Variants in ZMAT1 observed in about 807,000 individuals in gnomAD.
ZMAT1 encodes the protein zinc finger matrin-type 1, also known as zinc finger matrin-type protein 1.
Under a neutral mutation model 18.5 loss-of-function variants are expected in ZMAT1, and 11 were observed. That is an observed-to-expected ratio of 0.59 (90% CI 0.37 to 0.98). ZMAT1 has a LOEUF of 0.98. Ranked by LOEUF, ZMAT1 falls within the 50% of genes least tolerant of loss-of-function variation. The pLI is 0.01. For missense variants in ZMAT1, 525 were observed against 496.2 expected, an observed-to-expected ratio of 1.06 and a Z score of -0.55; for synonymous variants, 211 against 176.4, an observed-to-expected ratio of 1.20 and a Z score of -1.55.
At chrX:101,917,714 T>C (rs1382057301) in intron 1 of ZMAT1, among the ~76,000 whole-genome samples, 1 of 112,701 alleles carries the variant, frequency 8.9e-6, no homozygotes, top group Non-Finnish European at 1.9e-5. Context: ...GAAATCAGTA[T>C]ATCAAAGAGA....
chrX:101,931,691 C>T lies in ZMAT1; in HGVS notation c.292+26G>A, dbSNP rs1478293155. The T allele has an allele frequency of 9.3e-6, 7 of 756,166 alleles. No individual in the cohort carries two copies. The East Asian group carries it at 4.6e-4, about 49-fold the overall frequency. The allele number at this position is 756,166 out of a possible 1,213,427, so 62.3% of individuals were successfully genotyped here. The stretch of plus-strand genomic sequence containing the variant: ...GAGGCAGCGAAGGAGATGGGGCCGC[C>T]CCCGCACCCCGGGACGGGAACTCAC... On this transcript the variant is annotated intron_variant, in intron 1 of 5. Coordinates refer to ENST00000651725, the MANE Select transcript of ZMAT1 (RefSeq NM_001394560.1).
chrX:101,884,151 T>C lies in ZMAT1; in HGVS notation c.1447A>G (p.Arg483Gly). ...KIGDSSVETH[R>G]NREMVDVRPR... ...CTGACATCAACCATTTCTCTGTTCC[T>C]GTGTGTTTCTACAGAGCTATCTCCT... The change falls in exon 6 of 6, where the codon AGG becomes GGG. Residue 483 changes from arginine to glycine, a missense_variant. Arg to Gly is a moderately radical substitution (Grantham distance 125). Transcript: ENST00000651725. 6.6e-6 allele frequency: 8 copies of C among 1,210,709 alleles called. No individual in the cohort carries two copies. Among genetic ancestry groups the C allele is most frequent in the Non-Finnish European group, 7.8e-6 (7 of 895,282 alleles).
intron 1 of ZMAT1, among the ~76,000 whole-genome samples, chrX:101,923,546 T>TA (rs1929862614): frequency 9.0e-6 from 1 of 111,684 alleles, no homozygotes; most frequent in Non-Finnish European, 1.9e-5. Context: ...TTTAAGGGCC[T>TA]AAAAAATCAA....
chrX:101,914,173 C>T (rs1206681888), intron 1 of ZMAT1, among the ~76,000 whole-genome samples: 2 of 110,324 alleles, frequency 1.8e-5, no homozygotes, highest in Non-Finnish European at 3.8e-5. Flanking sequence ...ATGCCAAAAC[C>T]TATGGAATAC....
chrX:101,920,027 C>T (rs1220171339), intron 1 of ZMAT1, among the ~76,000 whole-genome samples: 1 of 86,767 alleles, frequency 1.2e-5, no homozygotes, highest in East Asian at 3.6e-4. Flanking sequence ...TACAACAATC[C>T]TTTAGATTTA....
At chrX:101,927,346 A>C (rs1198342416) in intron 1 of ZMAT1, among the ~76,000 whole-genome samples, 3 of 111,894 alleles carry the variant, frequency 2.7e-5, no homozygotes, top group Non-Finnish European at 1.9e-5. Flanking sequence ...GTAGAAATGC[A>C]GATCTGTACC....
At chrX:101,931,400 T>C (rs1474806845) in intron 1 of ZMAT1, 9 of 730,265 alleles carry the variant, frequency 1.2e-5, no homozygotes, top group Non-Finnish European at 1.5e-5. Flanking sequence ...CACACTAAGG[T>C]GTCCTGGCTG....
chrX:101,893,792 T>C (rs1289963240), intron 4 of ZMAT1, among the ~76,000 whole-genome samples: 1 of 110,530 alleles, frequency 9.0e-6, no homozygotes, highest in African/African-American at 3.3e-5. Context: ...CCAGGGGAAG[T>C]GTTATAGGGA....
chrX:101,896,892 G>A (rs978540969), intron 4 of ZMAT1, among the ~76,000 whole-genome samples: 1 of 106,146 alleles, frequency 9.4e-6, no homozygotes, highest in Non-Finnish European at 1.9e-5. Flanking sequence ...AATTCCCCCT[G>A]TATTTTCAGG....
chrX:101,916,259 G>A (rs891965869), intron 1 of ZMAT1, among the ~76,000 whole-genome samples: 2 of 110,790 alleles, frequency 1.8e-5, no homozygotes, highest in Non-Finnish European at 3.8e-5. Context: ...GGCGAAAGGA[G>A]GGAGAGCATT....
rs755259738 is a variant in ZMAT1 at position 101,931,877 on chromosome X, TGCCGCCGCCGCCGCC to T, written c.117_131del (p.Ala40_Ala44del). 4 of 795,727 alleles carry T rather than the reference TGCCGCCGCCGCCGCC, an allele frequency of 5.0e-6. No individual in the cohort carries two copies. Among genetic ancestry groups the T allele is most frequent in the Non-Finnish European group, 4.5e-6 (3 of 669,675 alleles). 65.6% of individuals were successfully genotyped at this position (795,727 alleles called of 1,213,427 possible). Reference sequence around the variant, plus strand: ...TGGCGGAGGAGGCAGGAACAATTACTGCCGCCGCCGCCGCCGCCGCCGCCGCTGCCGCGCAGGCGG... The same window carrying T: ...TGGCGGAGGAGGCAGGAACAATTACTGCCGCCGCCGCTGCCGCGCAGGCGG... On this transcript the variant is annotated inframe_deletion, in exon 1 of 6. Transcript: ENST00000651725.
chrX:101,884,551 C>A lies in ZMAT1; in HGVS notation c.1047G>T (p.Lys349Asn), dbSNP rs1926767179. 1 of 1,210,979 alleles carries A rather than the reference C, an allele frequency of 8.3e-7. No homozygotes were observed. Among genetic ancestry groups the A allele is most frequent in the East Asian group, 3.0e-5 (1 of 33,790 alleles). ...ATGTCTTCTTTGAATGAGGTAACTG[C>A]TTTTCCATTGCTTGTGAAATATTGT... is the stretch of plus-strand genomic sequence containing the variant. The part of the protein sequence containing the change: ...APYNISQAME[K>N]QLPHSKKTYD... Residue 349 changes from lysine (K) to asparagine (N), a missense_variant, in exon 6 of 6, where the codon AAG becomes AAT. Coordinates refer to ENST00000651725, the MANE Select transcript of ZMAT1 (RefSeq NM_001394560.1).
chrX:101,930,854 G>A (rs1165048194), intron 1 of ZMAT1, among the ~76,000 whole-genome samples: 2 of 112,353 alleles, frequency 1.8e-5, no homozygotes, highest in East Asian at 5.6e-4. Context: ...CAAGTATACA[G>A]AACTTTGTGT....
At chrX:101,922,902 G>A (rs923215582) in intron 1 of ZMAT1, among the ~76,000 whole-genome samples, 15 of 111,825 alleles carry the variant, frequency 1.3e-4, no homozygotes, top group Non-Finnish European at 1.9e-4. Flanking sequence ...CAGGGTGACA[G>A]CTTAGAGGAA....
At position 101,884,714 on chromosome X, in the gene ZMAT1, G is replaced by T; in HGVS notation, c.884C>A (p.Ala295Asp). 4 of 1,210,005 alleles carry T rather than the reference G, an allele frequency of 3.3e-6. No individual in the cohort carries two copies. Among genetic ancestry groups the T allele is most frequent in the Non-Finnish European group, 4.5e-6 (4 of 894,500 alleles). ...TTCCATCTTTCTGAAACAAGTCTTG[G>T]CCTCTAGTCCTCTGGCTTTCTGCAC... Reference protein sequence around the residue: ...INVQKARGLEAKTCFRKMEES... With the variant: ...INVQKARGLEDKTCFRKMEES... Residue 295 changes from alanine to aspartate, a missense_variant, in exon 6 of 6, where the codon GCC becomes GAC. Physicochemically the swap from Ala to Asp is moderately radical, Grantham distance 126. Coordinates refer to ENST00000651725, the MANE Select transcript of ZMAT1 (RefSeq NM_001394560.1).
chrX:101,899,719 G>A (rs1212645100), intron 2 of ZMAT1, among the ~76,000 whole-genome samples: 4 of 112,283 alleles, frequency 3.6e-5, no homozygotes, highest in African/African-American at 1.3e-4. Flanking sequence ...GGGCATTTGC[G>A]TTGGTTCCAC....
At chrX:101,929,454 T>TAC (rs1267480895) in intron 1 of ZMAT1, among the ~76,000 whole-genome samples, 24 of 68,536 alleles carry the variant, frequency 3.5e-4, no homozygotes, top group Middle Eastern at 6.7e-3. Context: ...TATATATATA[T>TAC]ATACACACAG....
At chrX:101,919,024 C>CT (rs899299446) in intron 1 of ZMAT1, among the ~76,000 whole-genome samples, 26 of 110,006 alleles carry the variant, frequency 2.4e-4, no homozygotes, top group African/African-American at 7.3e-4. Flanking sequence ...CTTGGTCTCT[C>CT]TTTTTTTTTA....
intron 1 of ZMAT1, among the ~76,000 whole-genome samples, chrX:101,923,149 CCAT>C (rs1929836379): frequency 8.9e-6 from 1 of 112,016 alleles, no homozygotes; most frequent in East Asian, 2.8e-4. Flanking sequence ...TATACTCTCA[CCAT>C]GTCTTTTCTC....
Sources: gnomAD v4.1 joint callset for allele counts (sites outside exome capture counted in the v4.1 genomes callset) on GRCh38, gnomAD v4.1.1 for gene constraint, MANE v1.5 for transcripts, NCBI Gene and HGNC (gene_info 2026-07-23, HGNC 2026-07-21) for gene names.